Variants in PDCD2 observed in about 807,000 individuals in gnomAD.
PDCD2 encodes uS5 assembly chaperone PDCD2.
PDCD2 carries 38 observed loss-of-function variants against 38.1 expected under a neutral mutation model. The observed-to-expected ratio is 1.00, with a 90% CI of 0.77 to 1.31. The LOEUF (loss-of-function observed/expected upper bound fraction) is 1.31, where lower values mean the gene tolerates loss of function less well. Ranked by LOEUF, PDCD2 falls within the 50% of genes most tolerant of loss-of-function variation. PDCD2 has a pLI of 0.00. For missense variants in PDCD2, 473 were observed against 435.7 expected (o/e 1.09, Z -0.76); for synonymous variants, 205 against 168.9 (o/e 1.21, Z -1.66).
chr6:170,584,407 A>C lies in PDCD2; in HGVS notation c.175T>G (p.Ser59Ala). The C allele has an allele frequency of 7.0e-7, 1 of 1,425,388 alleles. No homozygotes were observed. Among genetic ancestry groups the C allele is most frequent in the Non-Finnish European group, 9.1e-7 (1 of 1,093,956 alleles). The allele number at this position is 1,425,388 out of a possible 1,614,324, so 88.3% of individuals were successfully genotyped here. Residue 59 changes from serine to alanine, a missense_variant, in exon 1 of 6, where the codon TCC becomes GCC. Physicochemically the swap from Ser to Ala is moderately conservative, Grantham distance 99. Coordinates refer to ENST00000541970, the MANE Select transcript of PDCD2 (RefSeq NM_002598.4). Reference sequence around the variant, plus strand: ...GGCGCATACACCTGCAGCAGGAAGGAGAGCGGGCGGCCGCACAGCTCGCAG... The same window carrying C: ...GGCGCATACACCTGCAGCAGGAAGGCGAGCGGGCGGCCGCACAGCTCGCAG... Reference protein sequence around the residue: ...LACELCGRPLSFLLQVYAPLP... With the variant: ...LACELCGRPLAFLLQVYAPLP...
Position 170,580,108 on chromosome 6 carries a change from GAA to G in PDCD2, c.659-5_659-4del. On this transcript the variant is annotated splice_region_variant and splice_polypyrimidine_tract_variant and intron_variant, in intron 3 of 5. Transcript: ENST00000541970. ...CAGTTCTTCCTCAAGTGCTTCACCT[GAA>G]AAATCAACGTAACTATTATGAAAAA... The G allele has an allele frequency of 6.4e-7, 1 of 1,569,024 alleles. No individual in the cohort carries two copies. The highest frequency in any genetic ancestry group is 8.8e-7 in the Non-Finnish European group (1 of 1,140,814).
At chr6:170,584,146 C>G (rs945345077) in intron 1 of PDCD2, 153 bp downstream of exon 1, 2 of 825,798 alleles carry the variant, frequency 2.4e-6, no homozygotes, top group Admixed American at 4.2e-5. Context: ...CCTGGAAGGG[C>G]CCGGGAGAAG....
At chr6:170,581,888 T>A (rs1464420894) in intron 3 of PDCD2, 3 of 327,690 alleles carry the variant, frequency 9.2e-6, no homozygotes, top group Non-Finnish European at 1.7e-5. Flanking sequence ...ACATCAAGAG[T>A]TTTTTACTTT....
At position 170,584,429 on chromosome 6, in the gene PDCD2, G is replaced by T. The variant is rs763817884; in HGVS notation, c.153C>A (p.Cys51Ter). The T allele has an allele frequency of 4.4e-6, 6 of 1,370,144 alleles. No homozygotes were observed. The highest frequency in any genetic ancestry group is 5.6e-6 in the Non-Finnish European group (6 of 1,066,578). 84.9% of individuals were successfully genotyped at this position (1,370,144 alleles called of 1,614,324 possible). A position where few individuals can be genotyped will look rare whatever the true frequency, so the allele number is the denominator to read the frequency against. ...AGLPGPQALACELCGRPLSFL... is the reference protein window; with the variant it reads ...AGLPGPQALA The stretch of plus-strand genomic sequence containing the variant: ...AGGAGAGCGGGCGGCCGCACAGCTC[G>T]CAGGCCAGGGCCTGGGGCCCCGGCA... The change falls in exon 1 of 6, where the codon TGC becomes TGA. Residue 51 changes from cysteine (C) to a stop codon, truncating the protein, a stop_gained. Transcript: ENST00000541970. LOFTEE classifies it high-confidence loss of function.
chr6:170,577,358 C>A lies in PDCD2; in HGVS notation c.*201G>T. On this transcript the variant is annotated 3_prime_UTR_variant, in exon 6 of 6. Transcript: ENST00000541970. ...GTTATAATTAAGACTGTGTAGCCTT[C>A]CTCTGTGGATGTACCAAAATTTATT... is the stretch of plus-strand genomic sequence containing the variant. 1 of 538,850 alleles carries A rather than the reference C, an allele frequency of 1.9e-6. No homozygotes were observed. Among genetic ancestry groups the A allele is most frequent in the Non-Finnish European group, 3.3e-6 (1 of 300,848 alleles). The allele number at this position is 538,850 out of a possible 1,614,324, so 33.4% of individuals were successfully genotyped here.
intron 3 of PDCD2, chr6:170,582,785 G>C: frequency 7.8e-7 from 1 of 1,287,596 alleles, no homozygotes; most frequent in Non-Finnish European, 9.8e-7. Context: ...CGACCCAGAG[G>C]AACTTACCAA....
Position 170,579,312 on chromosome 6 carries a change from G to A in PDCD2, c.763-342C>T, listed in dbSNP as rs527423071. On this transcript the variant is annotated intron_variant, in intron 4 of 5. Coordinates refer to ENST00000541970, the MANE Select transcript of PDCD2 (RefSeq NM_002598.4). ...AATTGCAGAATTCTGCCCAGAGTCT[G>A]TGCCTACCTTCATAGTTAAAAAATT... The A allele has an allele frequency of 4.3e-5, 9 of 208,988 alleles. No individual in the cohort carries two copies. In the East Asian group the frequency reaches 7.8e-4, roughly 18 times the overall value. 12.9% of individuals were successfully genotyped at this position (208,988 alleles called of 1,614,324 possible). A position where few individuals can be genotyped will look rare whatever the true frequency, so the allele number is the denominator to read the frequency against.
chr6:170,582,198 A>T (rs1321909886), intron 3 of PDCD2: 9 of 1,479,280 alleles, frequency 6.1e-6, no homozygotes, highest in Non-Finnish European at 8.2e-6. Context: ...ACTTCCCCAG[A>T]TATTATTTGG....
intron 4 of PDCD2, chr6:170,579,424 GCAA>G (rs1779532613): frequency 6.3e-6 from 1 of 157,498 alleles, no homozygotes; most frequent in South Asian, 2.0e-4. Flanking sequence ...GCTTCCTACA[GCAA>G]CTGAGTGGTT....
intron 3 of PDCD2, chr6:170,581,812 T>C (rs1004688649): frequency 9.5e-6 from 2 of 210,548 alleles, no homozygotes; most frequent in African/African-American, 4.7e-5. Flanking sequence ...GGGCATATTC[T>C]ACTAGAGATG....
rs796327964 is a variant in PDCD2, at chr6:170,579,189, A to C, written c.763-219T>G. ...TTTCAGTTTATCTGACTCAGAGGGC[A>C]TCAAAATATATCTCCCAGATGATGC... On this transcript the variant is annotated intron_variant, in intron 4 of 5. Coordinates refer to ENST00000541970, the MANE Select transcript of PDCD2 (RefSeq NM_002598.4). 7.9e-6 allele frequency: 4 copies of C among 504,762 alleles called. No homozygotes were observed. In the African/African-American group the frequency reaches 8.0e-5, roughly 10 times the overall value. 31.3% of individuals were successfully genotyped at this position (504,762 alleles called of 1,614,324 possible).
rs767494490 is a variant in PDCD2 at position 170,582,217 on chromosome 6, A to C, written c.658+840T>G. 6 of 1,457,774 alleles carry C rather than the reference A, an allele frequency of 4.1e-6. No homozygotes were observed. In the African/African-American group the frequency reaches 5.6e-5, roughly 14 times the overall value. 90.3% of individuals were successfully genotyped at this position (1,457,774 alleles called of 1,614,324 possible). ...CCCCAGATATTATTTGGGCTCCTCCATAAGACTGTGAGCATCTGACCACTG... is the reference window on the plus strand; with the variant it reads ...CCCCAGATATTATTTGGGCTCCTCCCTAAGACTGTGAGCATCTGACCACTG... On this transcript the variant is annotated intron_variant, in intron 3 of 5. Transcript: ENST00000541970.
Position 170,576,823 on chromosome 6 carries a change from C to T in PDCD2, c.*736G>A, listed in dbSNP as rs1468226221. On this transcript the variant is annotated 3_prime_UTR_variant, in exon 6 of 6. Transcript: ENST00000541970. ...AGTGTCTCATCTGTAAGCAGGGCCGCTGGCTGACCAAGATCAGTTCTGAAG... is the reference window on the plus strand; with the variant it reads ...AGTGTCTCATCTGTAAGCAGGGCCGTTGGCTGACCAAGATCAGTTCTGAAG... 6.6e-6 allele frequency: 1 copy of T among 152,256 alleles called. No homozygotes were observed. The highest frequency in any genetic ancestry group is 2.4e-5 in the African/African-American group (1 of 41,462). The allele number at this position is 152,256 out of a possible 1,614,324, so 9.4% of individuals were successfully genotyped here.
chr6:170,580,094 C>T lies in PDCD2; in HGVS notation c.670G>A (p.Glu224Lys). Reference protein sequence around the residue: ...EIIGSMGEALEEELDSMAKHE... With the variant: ...EIIGSMGEALKEELDSMAKHE... ...TTTGCCATGGAATCCAGTTCTTCCT[C>T]AAGTGCTTCACCTGAAAAATCAACG... Residue 224 changes from glutamate to lysine, a missense_variant, in exon 4 of 6, where the codon GAG (glutamate) becomes AAG (lysine). Glu to Lys is a moderately conservative substitution (Grantham distance 56). Transcript: ENST00000541970. 2 of 1,602,616 alleles carry T rather than the reference C, an allele frequency of 1.2e-6. No individual in the cohort carries two copies. The highest frequency in any genetic ancestry group is 1.7e-6 in the Non-Finnish European group (2 of 1,170,540).
At position 170,576,504 on chromosome 6, in the gene PDCD2, G is replaced by C. The variant is rs940961979; in HGVS notation, c.*1055C>G. The C allele has an allele frequency of 1.3e-5, 2 of 152,228 alleles. No individual in the cohort carries two copies. The highest frequency in any genetic ancestry group is 2.9e-5 in the Non-Finnish European group (2 of 68,072). The allele number at this position is 152,228 out of a possible 1,614,324, so 9.4% of individuals were successfully genotyped here. On this transcript the variant is annotated 3_prime_UTR_variant, in exon 6 of 6. Transcript: ENST00000541970. ...ACTGATCAACAGCAATGTGTCTTAA[G>C]GGCAGGCATCACTGGTGCTGAGAGA...
chr6:170,578,468 A>C (rs1779505230), intron 5 of PDCD2: 1 of 599,032 alleles, frequency 1.7e-6, no homozygotes, highest in Non-Finnish European at 2.9e-6. Flanking sequence ...ATTAAACAGT[A>C]AAGACTCCTC....
Position 170,578,915 on chromosome 6 carries a change from G to A in PDCD2, c.818C>T (p.Pro273Leu). ...GCAATCTGGAATATCCTTTTCTTGAGGAATATTTTCACCAGAAATCCAGAT... is the reference window on the plus strand; with the variant it reads ...GCAATCTGGAATATCCTTTTCTTGAAGAATATTTTCACCAGAAATCCAGAT... ...APIWISGENI[P>L]QEKDIPDCPC... The change falls in exon 5 of 6, where the codon CCT (proline) becomes CTT (leucine). Residue 273 changes from proline (P) to leucine (L), a missense_variant. Pro to Leu is a moderately conservative substitution (Grantham distance 98). Transcript: ENST00000541970. 1 of 1,606,168 alleles carries A rather than the reference G, an allele frequency of 6.2e-7. No individual in the cohort carries two copies. Among genetic ancestry groups the A allele is most frequent in the Non-Finnish European group, 8.5e-7 (1 of 1,177,754 alleles).
At position 170,578,871 on chromosome 6, in the gene PDCD2, T is replaced by C; in HGVS notation, c.862A>G (p.Ile288Val). The C allele has an allele frequency of 1.3e-6, 2 of 1,598,562 alleles. No homozygotes were observed. Among genetic ancestry groups the C allele is most frequent in the Non-Finnish European group, 1.7e-6 (2 of 1,166,496 alleles). ...TAAGGTCATACCTGGAATTCCAATA[T>C]TCTCTTGGCACCACAGGGGCAATCT... ...IPDCPCGAKR[I>V]LEFQVMPQLL... is the part of the protein sequence containing the mutation. Residue 288 changes from isoleucine (I) to valine (V), a missense_variant, in exon 5 of 6, where the codon ATA becomes GTA. Transcript: ENST00000541970.
Position 170,577,234 on chromosome 6 carries a change from A to G in PDCD2, c.*325T>C. The G allele has an allele frequency of 5.1e-6, 1 of 196,868 alleles. No individual in the cohort carries two copies. The highest frequency in any genetic ancestry group is 1.3e-4 in the South Asian group (1 of 7,902). 12.2% of individuals were successfully genotyped at this position (196,868 alleles called of 1,614,324 possible). Reference sequence around the variant, plus strand: ...TTGGTAACCAGTTCACTAAGTGTACATCTTTGCAGATTTCTGTGCATACAT... The same window carrying G: ...TTGGTAACCAGTTCACTAAGTGTACGTCTTTGCAGATTTCTGTGCATACAT... On this transcript the variant is annotated 3_prime_UTR_variant, in exon 6 of 6. Transcript: ENST00000541970.
Sources: gnomAD v4.1 joint callset for allele counts on GRCh38, gnomAD v4.1.1 for gene constraint, MANE v1.5 for transcripts, NCBI Gene and HGNC (gene_info 2026-07-23, HGNC 2026-07-21) for gene names.